Variants in PRR16 observed in about 807,000 individuals in gnomAD.
PRR16 encodes the protein protein Largen.
PRR16 carries 6 observed loss-of-function variants against 18.2 expected under a neutral mutation model. The observed-to-expected ratio is 0.33, with a 90% CI of 0.18 to 0.65. PRR16 has a LOEUF of 0.65. PRR16 is among the 30% of genes least tolerant of loss of function. The pLI is 0.74. For synonymous variants in PRR16, 151 were observed against 147.8 expected, an observed-to-expected ratio of 1.02 and a Z score of -0.16; for missense variants, 412 against 376.6, an observed-to-expected ratio of 1.09 and a Z score of -0.78.
At chr5:120,629,928 G>A (rs1369340727) in intron 1 of PRR16, among the ~76,000 whole-genome samples, 1 of 151,838 alleles carries the variant, frequency 6.6e-6, no homozygotes, top group Non-Finnish European at 1.5e-5. Flanking sequence ...TCATTAATTG[G>A]CACTTTATCT....
At chr5:120,495,930 T>G (rs1750228949) in intron 1 of PRR16, among the ~76,000 whole-genome samples, 1 of 152,030 alleles carries the variant, frequency 6.6e-6, no homozygotes, top group Non-Finnish European at 1.5e-5. Flanking sequence ...AAATTAAAAT[T>G]AAATTATTAG....
At chr5:120,644,390 T>G (rs894496707) in intron 1 of PRR16, among the ~76,000 whole-genome samples, 2 of 151,002 alleles carry the variant, frequency 1.3e-5, no homozygotes, top group African/African-American at 4.9e-5. Context: ...TCTTGGAAAA[T>G]GTCAAACATT....
At chr5:120,664,998 T>C (rs1477587823) in intron 1 of PRR16, among the ~76,000 whole-genome samples, 1 of 151,582 alleles carries the variant, frequency 6.6e-6, no homozygotes. Context: ...GGTCAAATGG[T>C]ATTTCTAGTT....
chr5:120,687,413 G>A (rs1344136740), downstream of PRR16: 5 of 152,148 alleles, frequency 3.3e-5, no homozygotes, highest in Admixed American at 2.0e-4. Flanking sequence ...AAGTTACAGT[G>A]AGTGTATATC....
chr5:120,609,155 A>G (rs947179537), intron 1 of PRR16, among the ~76,000 whole-genome samples: 4 of 151,964 alleles, frequency 2.6e-5, no homozygotes, highest in African/African-American at 9.7e-5. Flanking sequence ...GTACAATTCA[A>G]TTGTTTTTGG....
chr5:120,615,288 G>T (rs1295076305), intron 1 of PRR16, among the ~76,000 whole-genome samples: 2 of 151,444 alleles, frequency 1.3e-5, no homozygotes, highest in African/African-American at 4.8e-5. Flanking sequence ...CCATTCTTTA[G>T]TGTCTCGATA....
At chr5:120,787,216 TGTG>T in the PRR16 span, among the ~76,000 whole-genome samples, 11 of 152,100 alleles carry the variant, frequency 7.2e-5, no homozygotes, top group Admixed American at 5.9e-4. Context: ...TGCAAAAAAA[TGTG>T]GTTTAAAAAT....
At chr5:120,743,979 ATACTTCAATTTTCCTTTTCATCTCTTTC>A in the PRR16 span, among the ~76,000 whole-genome samples, 1 of 152,040 alleles carries the variant, frequency 6.6e-6, no homozygotes, top group African/African-American at 2.4e-5. Context: ...TTGTCTTCTT[ATACTTCAATTTTCCTTTTCATCTCTTTC>A]TGTTGTTTTA....
At chr5:120,725,412 T>G in the PRR16 span, among the ~76,000 whole-genome samples, 964 of 151,890 alleles carry the variant, frequency 6.3e-3, 19 homozygotes, top group African/African-American at 0.022. Flanking sequence ...TCCCAGTGCT[T>G]TGCGAGTCCA....
At chr5:120,514,581 T>A (rs1211807153) in intron 1 of PRR16, among the ~76,000 whole-genome samples, 2 of 152,238 alleles carry the variant, frequency 1.3e-5, no homozygotes, top group Admixed American at 6.5e-5. Flanking sequence ...TTCTGCCAGA[T>A]GTCCTAGCTC....
At chr5:120,708,571 G>A in the PRR16 span, among the ~76,000 whole-genome samples, 1 of 152,166 alleles carries the variant, frequency 6.6e-6, no homozygotes, top group Admixed American at 6.5e-5. Context: ...TTTTATTAAT[G>A]TTGAGGAAAT....
chr5:120,569,340 A>T (rs777123137), intron 1 of PRR16, among the ~76,000 whole-genome samples: 1 of 152,194 alleles, frequency 6.6e-6, no homozygotes, highest in Non-Finnish European at 1.5e-5. Flanking sequence ...GAGGTCCTTG[A>T]TATGCAAAGG....
At chr5:120,481,066 C>A (rs1252456290) in intron 1 of PRR16, 10 of 1,143,442 alleles carry the variant, frequency 8.7e-6, no homozygotes, top group African/African-American at 3.3e-5. Flanking sequence ...GCAGGCAATA[C>A]TTTGGCCCAT....
At chr5:120,472,773 TG>T (rs1462354839) in intron 1 of PRR16, among the ~76,000 whole-genome samples, 2 of 152,144 alleles carry the variant, frequency 1.3e-5, no homozygotes, top group Non-Finnish European at 2.9e-5. Context: ...TAGGATGTGA[TG>T]TCAGTGTGAA....
intron 1 of PRR16, among the ~76,000 whole-genome samples, chr5:120,528,367 A>G (rs192852508): frequency 6.6e-6 from 1 of 152,200 alleles, no homozygotes; most frequent in Non-Finnish European, 1.5e-5. Context: ...GCATTTCAGT[A>G]CAATGAATGG....
chr5:120,573,296 C>A lies in PRR16; in HGVS notation c.159+108651C>A, dbSNP rs1384830470. The stretch of plus-strand genomic sequence containing the variant: ...AGTGTCATGACTTTGAATTCAAATT[C>A]TTGCTTTGAGATGTTTTCTTACTCT... On this transcript the variant is annotated intron_variant, in intron 1 of 1. Transcript: ENST00000407149. 3.9e-5 allele frequency among the ~76,000 whole-genome samples: 6 copies of A among 152,078 alleles called. No homozygotes were observed. In the East Asian group the frequency reaches 1.2e-3, roughly 29 times the overall value.
In PRR16 at chr5:120,651,335, T is replaced by A. The variant is rs1273511800; in HGVS notation, c.160-34619T>A. On this transcript the variant is annotated intron_variant, in intron 1 of 1. Transcript: ENST00000407149. ...TGTGCAGAAGCTCTTTAGTTTAATTTGATCCCATTTGTCCATTTTGGCTTT... is the reference window on the plus strand; with the variant it reads ...TGTGCAGAAGCTCTTTAGTTTAATTAGATCCCATTTGTCCATTTTGGCTTT... 5.0e-3 allele frequency among the ~76,000 whole-genome samples: 759 copies of A among 152,206 alleles called. 1 individual carries two copies. The highest frequency in any genetic ancestry group is 0.017 in the African/African-American group (716 of 41,542).
In PRR16 at chr5:120,523,278, G is replaced by T. The variant is rs1947462; in HGVS notation, c.159+58633G>T. Among the ~76,000 whole-genome samples, 3 of 151,738 alleles carry T rather than the reference G, an allele frequency of 2.0e-5. No individual in the cohort carries two copies. The East Asian group carries it at 5.8e-4, about 29-fold the overall frequency. On this transcript the variant is annotated intron_variant, in intron 1 of 1. Transcript: ENST00000407149. ...ACTGGTGTTATGAAAATACTTGAAG[G>T]TTTTTAAAGGTATAATTGCCTCTTA...
intron 1 of PRR16, among the ~76,000 whole-genome samples, chr5:120,589,647 G>A (rs1415409869): frequency 5.3e-5 from 8 of 152,036 alleles, no homozygotes; most frequent in African/African-American, 1.9e-4. Context: ...GGTGGCAGGA[G>A]AAAATGAGGA....
Sources: allele counts gnomAD v4.1 joint callset (sites outside exome capture counted in the v4.1 genomes callset), GRCh38; gene constraint gnomAD v4.1.1; transcripts MANE v1.5; gene names NCBI Gene and HGNC (gene_info 2026-07-23, HGNC 2026-07-21).